BRD8: variants seen among roughly 807,000 people sequenced by gnomAD.
The protein encoded by BRD8 is bromodomain containing 8, also known as bromodomain-containing protein 8.
A neutral mutation model predicts 143.1 loss-of-function variants in BRD8; 67 were observed. The ratio of observed to expected loss-of-function variants is 0.47; its 90% CI spans 0.38 to 0.57. The LOEUF is 0.57. BRD8 is among the 20% of genes least tolerant of loss of function. The pLI is 0.00. For missense variants in BRD8, 1,103 were observed against 1,503.0 expected, an observed-to-expected ratio of 0.73 and a Z score of 4.40; for synonymous variants, 505 against 517.1, an observed-to-expected ratio of 0.98 and a Z score of 0.32.
Position 138,140,687 on chromosome 5 carries a change from G to A in BRD8, c.3615+18C>T. 6.2e-7 allele frequency: 1 copy of A among 1,610,586 alleles called. No individual in the cohort carries two copies. The highest frequency in any genetic ancestry group is 8.5e-7 in the Non-Finnish European group (1 of 1,176,752). On this transcript the variant is annotated intron_variant, in intron 26 of 26. Coordinates refer to ENST00000254900, the MANE Select transcript of BRD8 (RefSeq NM_139199.2). ...TGAAATCAAGATTCCAGAGGCTACA[G>A]GTATCTGCATACAGTACCTGAATCT...
In BRD8 at chr5:138,165,726, C is replaced by CAAAAAAAAAAAAA. The variant is rs374362323; in HGVS notation, c.1278+89_1278+101dup. ...GGATGAAAGAGCAAGACTCTGTCTC[C>CAAAAAAAAAAAAA]AAAAAAAAAAAAAAAAAAGCAGCAG... On this transcript the variant is annotated intron_variant, in intron 11 of 26. Coordinates refer to ENST00000254900, the MANE Select transcript of BRD8 (RefSeq NM_139199.2). The CAAAAAAAAAAAAA allele has an allele frequency of 4.5e-5, 43 of 946,416 alleles. No homozygotes were observed. In the African/African-American group the frequency reaches 9.7e-4, roughly 21 times the overall value. The allele number at this position is 946,416 out of a possible 1,614,324, so 58.6% of individuals were successfully genotyped here.
chr5:138,155,342 G>A (rs1020409448), intron 20 of BRD8, among the ~76,000 whole-genome samples: 2 of 151,144 alleles, frequency 1.3e-5, no homozygotes, highest in Non-Finnish European at 2.9e-5. Flanking sequence ...CCAGCTACTC[G>A]GGAGGCTAAG....
At chr5:138,166,930 A>C (rs1753474082) in intron 9 of BRD8, 1 of 507,272 alleles carries the variant, frequency 2.0e-6, no homozygotes. Context: ...CCAAAGCACT[A>C]GAACACACAA....
chr5:138,145,728 C>A, intron 24 of BRD8, 61 bp downstream of exon 24: 3 of 1,412,088 alleles, frequency 2.1e-6, no homozygotes, highest in Non-Finnish European at 2.0e-6. Context: ...TATGCTTAAA[C>A]CCCAATATGT....
At chr5:138,166,187 A>C in intron 10 of BRD8, 79 bp from the exon 11 acceptor site, 1 of 976,806 alleles carries the variant, frequency 1.0e-6, no homozygotes, top group South Asian at 1.5e-5. Flanking sequence ...TAAGCGCTAC[A>C]GACAGATGTC....
Position 138,149,770 on chromosome 5 carries a change from C to G in BRD8, c.3148G>C (p.Glu1050Gln). Residue 1050 changes from glutamate to glutamine, a missense_variant, in exon 23 of 27, where the codon GAG becomes CAG. Physicochemically the swap from Glu to Gln is conservative, Grantham distance 29. Around this residue, in one of 7 missense-constraint regions of BRD8, gnomAD observed 369 missense variants for 445.5 expected, o/e 0.83. Coordinates refer to ENST00000254900, the MANE Select transcript of BRD8 (RefSeq NM_139199.2). ...EGEAQQESKGEDQGEVYVSEM... is the reference protein window; with the variant it reads ...EGEAQQESKGQDQGEVYVSEM... ...GACACATATACTTCACCCTGGTCCT[C>G]CCCTTTGGATTCTTGCTGAGCCTCC... The G allele has an allele frequency of 6.2e-7, 1 of 1,610,136 alleles. No individual in the cohort carries two copies. Among genetic ancestry groups the G allele is most frequent in the South Asian group, 1.1e-5 (1 of 90,000 alleles).
intron 20 of BRD8, among the ~76,000 whole-genome samples, chr5:138,158,557 G>A (rs1179157539): frequency 1.3e-5 from 2 of 151,390 alleles, no homozygotes; most frequent in Admixed American, 1.3e-4. Context: ...TCCTGCCTTA[G>A]CCTCCCGAGT....
chr5:138,158,857 C>T (rs1752790668), intron 20 of BRD8, among the ~76,000 whole-genome samples: 2 of 152,026 alleles, frequency 1.3e-5, no homozygotes, highest in Admixed American at 6.6e-5. Context: ...CTCCTGGGCC[C>T]CAGTGATGCT....
chr5:138,178,624 G>T lies in BRD8; in HGVS notation c.-10C>A. 6.2e-7 allele frequency: 1 copy of T among 1,613,610 alleles called. No individual in the cohort carries two copies. Among genetic ancestry groups the T allele is most frequent in the Non-Finnish European group, 8.5e-7 (1 of 1,179,658 alleles). ...CCGTTCCCGTCGCCATCTTGGCCCC[G>T]AAGTCTCCAACCCTGAGGAGAGACG... On this transcript the variant is annotated 5_prime_UTR_variant, in exon 1 of 27. Transcript: ENST00000254900.
At chr5:138,156,284 C>T (rs1235089817) in intron 20 of BRD8, among the ~76,000 whole-genome samples, 1 of 152,052 alleles carries the variant, frequency 6.6e-6, no homozygotes, top group Non-Finnish European at 1.5e-5. Flanking sequence ...GGACTACAGA[C>T]ATGCGCCACC....
At chr5:138,167,005 G>A (rs950827344) in intron 9 of BRD8, 3 of 273,750 alleles carry the variant, frequency 1.1e-5, no homozygotes, top group Non-Finnish European at 2.1e-5. Context: ...TAGCACTTTG[G>A]GAGGCCGAGG....
chr5:138,144,288 G>C (rs774062426), intron 25 of BRD8, among the ~76,000 whole-genome samples: 1 of 152,064 alleles, frequency 6.6e-6, no homozygotes, highest in Non-Finnish European at 1.5e-5. Context: ...TGAACTCAGC[G>C]AGACCACAAA....
At chr5:138,171,224 T>C in intron 4 of BRD8, 64 bp from the exon 5 acceptor site, 1 of 1,513,548 alleles carries the variant, frequency 6.6e-7, no homozygotes, top group South Asian at 1.2e-5. Flanking sequence ...CCTCTCCTAC[T>C]TGCTTTTACC....
intron 8 of BRD8, chr5:138,168,367 C>G (rs574905012): frequency 1.2e-6 from 1 of 848,612 alleles, no homozygotes; most frequent in African/African-American, 1.7e-5. Context: ...AGATCTTTTC[C>G]TCTTTTGAAC....
At chr5:138,160,832 C>A in intron 18 of BRD8, 59 bp downstream of exon 18, 3 of 1,463,764 alleles carry the variant, frequency 2.0e-6, no homozygotes, top group Non-Finnish European at 2.7e-6. Flanking sequence ...CAATATGAAT[C>A]CTCCCCTTGA....
At chr5:138,153,087 A>G (rs1752433296) in intron 20 of BRD8, among the ~76,000 whole-genome samples, 2 of 152,218 alleles carry the variant, frequency 1.3e-5, no homozygotes. Context: ...ACTGGAGCAT[A>G]GCTAGCTCAA....
At chr5:138,172,843 G>A (rs1234022552) in intron 2 of BRD8, 1 of 359,820 alleles carries the variant, frequency 2.8e-6, no homozygotes, top group South Asian at 2.0e-5. Context: ...GACAGAGTAA[G>A]ACCACCCCCT....
chr5:138,145,901 A>G, intron 23 of BRD8, 23 bp from the exon 24 acceptor site: 1 of 1,587,402 alleles, frequency 6.3e-7, no homozygotes, highest in Non-Finnish European at 8.6e-7. Context: ...AACATGAAGA[A>G]AAGAGACAGT....
intron 12 of BRD8, 101 bp from the exon 13 acceptor site, chr5:138,164,514 A>T: frequency 7.8e-7 from 1 of 1,275,384 alleles, no homozygotes; most frequent in African/African-American, 1.5e-5. Context: ...AGAAATTCTA[A>T]GTCCTACTCA....
Sources: allele counts gnomAD v4.1 joint callset (sites outside exome capture counted in the v4.1 genomes callset), GRCh38; gene constraint gnomAD v4.1.1; regional missense constraint gnomAD v4.1.1; transcripts MANE v1.5; gene names NCBI Gene and HGNC (gene_info 2026-07-23, HGNC 2026-07-21).